The following UGGT2 variants were observed in gnomAD, a reference collection of about 807,000 sequenced individuals.
UGGT2 encodes the protein UDP-glucose glycoprotein glucosyltransferase 2, also known as UDP-glucose:glycoprotein glucosyltransferase 2.
A neutral mutation model predicts 192.1 loss-of-function variants in UGGT2; 180 were observed. That is an observed-to-expected ratio of 0.94 (90% confidence interval 0.83 to 1.06). The LOEUF is 1.06. Among genes scored for constraint, UGGT2 ranks in the 50% least tolerant of loss-of-function variants. The pLI is 0.00. For missense variants in UGGT2, 1,849 were observed against 1,795.7 expected, an observed-to-expected ratio of 1.03 and a Z score of -0.54; for synonymous variants, 580 against 591.0, an observed-to-expected ratio of 0.98 and a Z score of 0.27.
At chr13:95,881,226 CTATG>C (rs2047485325) in intron 27 of UGGT2, among the ~76,000 whole-genome samples, 1 of 152,078 alleles carries the variant, frequency 6.6e-6, no homozygotes, top group South Asian at 2.1e-4. Context: ...AGGTTAGGTA[CTATG>C]TATGGTTTCA....
In UGGT2 at chr13:95,884,699, A is replaced by AAT. The variant is rs1247359675; in HGVS notation, c.3039-21_3039-20dup. 1.3e-6 allele frequency: 2 copies of AAT among 1,587,088 alleles called. No individual in the cohort carries two copies. The highest frequency in any genetic ancestry group is 1.7e-6 in the Non-Finnish European group (2 of 1,169,746). On this transcript the variant is annotated intron_variant, in intron 26 of 38. Coordinates refer to ENST00000376747, the MANE Select transcript of UGGT2 (RefSeq NM_020121.4). The stretch of plus-strand genomic sequence containing the variant: ...GTAAAAGCTGTTAATAAAACATAAA[A>AAT]ATACATAATGTGACCAAAACTGAGA...
At chr13:95,952,552 T>C (rs754367639) in intron 12 of UGGT2, among the ~76,000 whole-genome samples, 1 of 152,204 alleles carries the variant, frequency 6.6e-6, no homozygotes, top group Non-Finnish European at 1.5e-5. Context: ...TGTATTTTTT[T>C]ATTGTTTTTC....
chr13:95,982,236 G>A (rs1481185622), intron 10 of UGGT2, among the ~76,000 whole-genome samples: 2 of 152,194 alleles, frequency 1.3e-5, no homozygotes, highest in East Asian at 3.8e-4. Context: ...TCCTTTTAAT[G>A]AAAAGCCGCC....
chr13:96,042,252 G>C (rs951655142), intron 1 of UGGT2, among the ~76,000 whole-genome samples: 2 of 152,126 alleles, frequency 1.3e-5, no homozygotes, highest in African/African-American at 4.8e-5. Context: ...CCTACTAGGT[G>C]GCTAGATCCA....
chr13:96,050,273 C>T (rs976147268), intron 1 of UGGT2, among the ~76,000 whole-genome samples: 11 of 152,248 alleles, frequency 7.2e-5, no homozygotes, highest in Middle Eastern at 3.4e-3. Flanking sequence ...AACTGGCTAG[C>T]CATATGTAGA....
intron 12 of UGGT2, among the ~76,000 whole-genome samples, chr13:95,967,452 C>A (rs2050620091): frequency 6.8e-6 from 1 of 147,610 alleles, no homozygotes; most frequent in Non-Finnish European, 1.5e-5. Context: ...ACGCCCAGCC[C>A]CCACGCGCAC....
At chr13:95,823,139 T>C (rs1885670916) in intron 38 of UGGT2, among the ~76,000 whole-genome samples, 1 of 152,166 alleles carries the variant, frequency 6.6e-6, no homozygotes, top group South Asian at 2.1e-4. Flanking sequence ...TATTCCACTG[T>C]TGTCTGAGAA....
At chr13:95,817,499 C>A (rs892646140) in intron 38 of UGGT2, among the ~76,000 whole-genome samples, 1 of 152,086 alleles carries the variant, frequency 6.6e-6, no homozygotes, top group Non-Finnish European at 1.5e-5. Flanking sequence ...GGCAGGATTG[C>A]TTGAGCCCAG....
At chr13:95,945,396 C>T (rs2049830677) in intron 15 of UGGT2, among the ~76,000 whole-genome samples, 1 of 152,054 alleles carries the variant, frequency 6.6e-6, no homozygotes, top group African/African-American at 2.4e-5. Flanking sequence ...TTGTTTAGCA[C>T]AACTTGCAGG....
chr13:95,971,984 C>T (rs2050787325), intron 11 of UGGT2, among the ~76,000 whole-genome samples: 1 of 152,058 alleles, frequency 6.6e-6, no homozygotes, highest in Non-Finnish European at 1.5e-5. Context: ...TCTAATGTTT[C>T]AAATATTAAT....
intron 1 of UGGT2, among the ~76,000 whole-genome samples, chr13:96,043,256 C>G (rs1045742728): frequency 2.0e-5 from 3 of 152,296 alleles, no homozygotes; most frequent in Non-Finnish European, 4.4e-5. Context: ...AATTTCGTAT[C>G]TAGCAAAACT....
chr13:95,847,061 C>CTTTTTT (rs71113956), intron 36 of UGGT2, among the ~76,000 whole-genome samples: 4 of 97,366 alleles, frequency 4.1e-5, no homozygotes, highest in East Asian at 2.6e-4. Flanking sequence ...CTTTTCTTTT[C>CTTTTTT]TTTTTTTTTT....
intron 10 of UGGT2, among the ~76,000 whole-genome samples, chr13:95,975,043 T>C (rs2050893523): frequency 6.6e-6 from 1 of 152,164 alleles, no homozygotes; most frequent in Non-Finnish European, 1.5e-5. Context: ...ATCGCACCAC[T>C]GCACTCCATC....
At chr13:95,842,163 G>T (rs945415224) in intron 36 of UGGT2, among the ~76,000 whole-genome samples, 3 of 152,084 alleles carry the variant, frequency 2.0e-5, no homozygotes, top group Middle Eastern at 3.2e-3. Flanking sequence ...GACTCCCTGT[G>T]TCCTTTTGCA....
intron 12 of UGGT2, among the ~76,000 whole-genome samples, chr13:95,959,040 G>A (rs1488314209): frequency 6.6e-6 from 1 of 152,196 alleles, no homozygotes; most frequent in Non-Finnish European, 1.5e-5. Context: ...AGCCACTGCA[G>A]TATGGCATCA....
At chr13:95,819,688 C>G (rs1885295094) in intron 38 of UGGT2, among the ~76,000 whole-genome samples, 1 of 152,114 alleles carries the variant, frequency 6.6e-6, no homozygotes. Flanking sequence ...TATTTGATCT[C>G]AATACAATAA....
intron 21 of UGGT2, among the ~76,000 whole-genome samples, chr13:95,902,008 C>G (rs1267242275): frequency 6.6e-6 from 1 of 152,144 alleles, no homozygotes; most frequent in Non-Finnish European, 1.5e-5. Context: ...ATGTTTAGCT[C>G]CCTTGAATGC....
intron 36 of UGGT2, among the ~76,000 whole-genome samples, chr13:95,846,082 G>T (rs1888405072): frequency 6.6e-6 from 1 of 152,160 alleles, no homozygotes; most frequent in Non-Finnish European, 1.5e-5. Flanking sequence ...GCGGCTGGGA[G>T]GTGGAGGTTG....
At chr13:95,899,887 A>G (rs2048052631) in intron 22 of UGGT2, among the ~76,000 whole-genome samples, 1 of 152,184 alleles carries the variant, frequency 6.6e-6, no homozygotes, top group Non-Finnish European at 1.5e-5. Context: ...TCTAATATGC[A>G]GGTGAACAGA....
Sources: gnomAD v4.1 joint callset for allele counts (sites outside exome capture counted in the v4.1 genomes callset) on GRCh38, gnomAD v4.1.1 for gene constraint, MANE v1.5 for transcripts, NCBI Gene and HGNC (gene_info 2026-07-23, HGNC 2026-07-21) for gene names.